ITGA8: variants seen among roughly 807,000 people sequenced by gnomAD.
ITGA8 encodes the protein integrin subunit alpha 8.
Under a neutral mutation model 142.3 loss-of-function variants are expected in ITGA8, and 91 were observed. The observed-to-expected ratio is 0.64, with a 90% CI of 0.54 to 0.76. The LOEUF (loss-of-function observed/expected upper bound fraction) is 0.76, where lower values mean the gene tolerates loss of function less well. Ranked by LOEUF, ITGA8 falls within the 30% of genes least tolerant of loss-of-function variation. The probability of loss-of-function intolerance (pLI) is 0.00; values close to 1 mark genes in which losing one functional copy is unlikely to be tolerated. For missense variants in ITGA8, 1,406 were observed against 1,327.7 expected (o/e 1.06, Z -0.92); for synonymous variants, 505 against 485.2 (o/e 1.04, Z -0.54).
intron 20 of ITGA8, among the ~76,000 whole-genome samples, chr10:15,603,394 G>A (rs1443272390): frequency 6.6e-6 from 1 of 152,128 alleles, no homozygotes; most frequent in Non-Finnish European, 1.5e-5. Flanking sequence ...AATGCTATCA[G>A]CAAGTATTTA....
chr10:15,705,828 T>G (rs570732673), intron 2 of ITGA8, among the ~76,000 whole-genome samples: 6 of 152,330 alleles, frequency 3.9e-5, no homozygotes, highest in Admixed American at 2.6e-4. Context: ...CTTCATGGCT[T>G]TCTTTTACCT....
At chr10:15,638,850 G>A (rs1274549767) in intron 13 of ITGA8, among the ~76,000 whole-genome samples, 2 of 152,110 alleles carry the variant, frequency 1.3e-5, no homozygotes, top group Non-Finnish European at 2.9e-5. Context: ...AAGGATCCTG[G>A]GCACAGTGGC....
intron 6 of ITGA8, among the ~76,000 whole-genome samples, chr10:15,675,030 C>G (rs566757798): frequency 6.6e-6 from 1 of 152,134 alleles, no homozygotes; most frequent in African/African-American, 2.4e-5. Flanking sequence ...AAATTCCTCC[C>G]TCAACTCTTA....
rs544456519 is a variant in ITGA8 at position 15,717,976 on chromosome 10, AT to A, written c.343+789del. ...CAAGGACCATTGTTCAAGCTGACAT[AT>A]TCGCATTTTTCTGGAAAGAGATATT... On this transcript the variant is annotated intron_variant, in intron 2 of 29. Transcript: ENST00000378076. Among the ~76,000 whole-genome samples the A allele has an allele frequency of 2.7e-4, 41 of 152,390 alleles. No individual in the cohort carries two copies. The South Asian group carries it at 8.5e-3, about 32-fold the overall frequency.
At chr10:15,612,443 G>A (rs1833315185) in intron 15 of ITGA8, among the ~76,000 whole-genome samples, 1 of 152,116 alleles carries the variant, frequency 6.6e-6, no homozygotes, top group South Asian at 2.1e-4. Context: ...GAAAAATAAG[G>A]GCAAAATATT....
intron 24 of ITGA8, among the ~76,000 whole-genome samples, chr10:15,573,180 G>GC (rs9333204): frequency 0.027 from 4,073 of 152,070 alleles, 199 homozygotes; most frequent in African/African-American, 0.093. Flanking sequence ...AAGAAGCTTG[G>GC]CAACCATTGA....
At chr10:15,525,858 A>C (rs372156578) in intron 28 of ITGA8, among the ~76,000 whole-genome samples, 1 of 152,236 alleles carries the variant, frequency 6.6e-6, no homozygotes, top group East Asian at 1.9e-4. Context: ...TAAAAATACT[A>C]ATAATTTACA....
chr10:15,629,713 G>A (rs1833651193), intron 13 of ITGA8, among the ~76,000 whole-genome samples: 1 of 152,064 alleles, frequency 6.6e-6, no homozygotes, highest in Admixed American at 6.5e-5. Flanking sequence ...GATCACTTGA[G>A]GTCAGGAGTT....
chr10:15,664,352 A>G (rs750509115), intron 8 of ITGA8, among the ~76,000 whole-genome samples: 1 of 152,196 alleles, frequency 6.6e-6, no homozygotes. Flanking sequence ...GTTTGTACCT[A>G]AAAGAAAAAT....
rs1474243715 is a variant in ITGA8 at position 15,548,546 on chromosome 10, A to G, written c.2789T>C (p.Leu930Ser). ...TCGTCCCACTGCACAGGAGATTTGT[A>G]AACACTCGATATTTGTACAATTCTG... Reference protein sequence around the residue: ...KILNCTNIECLQISCAVGRLE... With the variant: ...KILNCTNIECSQISCAVGRLE... The change falls in exon 27 of 30, where the codon TTA becomes TCA. Residue 930 changes from leucine to serine, a missense_variant. Physicochemically the swap from Leu to Ser is moderately radical, Grantham distance 145 (BLOSUM62 -2). Transcript: ENST00000378076. The G allele has an allele frequency of 6.2e-7, 1 of 1,610,528 alleles. No individual in the cohort carries two copies. The highest frequency in any genetic ancestry group is 2.2e-5 in the East Asian group (1 of 44,678).
intron 27 of ITGA8, among the ~76,000 whole-genome samples, chr10:15,546,393 A>ATATG (rs1833668894): frequency 6.6e-6 from 1 of 152,226 alleles, no homozygotes; most frequent in Non-Finnish European, 1.5e-5. Context: ...GAGTGAATGA[A>ATATG]TATGTAAAGG....
At chr10:15,626,506 A>C (rs1358699397) in intron 13 of ITGA8, among the ~76,000 whole-genome samples, 1 of 152,160 alleles carries the variant, frequency 6.6e-6, no homozygotes, top group African/African-American at 2.4e-5. Flanking sequence ...GACATGAGCC[A>C]CTGCACCCGG....
At chr10:15,707,880 G>T (rs1275723544) in intron 2 of ITGA8, among the ~76,000 whole-genome samples, 2 of 150,710 alleles carry the variant, frequency 1.3e-5, no homozygotes, top group Non-Finnish European at 3.0e-5. Context: ...GTTGTTTAAA[G>T]CCACTAAGCA....
intron 27 of ITGA8, among the ~76,000 whole-genome samples, chr10:15,545,373 TCCA>T (rs1293231025): frequency 6.6e-6 from 1 of 152,208 alleles, no homozygotes; most frequent in Non-Finnish European, 1.5e-5. Context: ...CCTAGATTAA[TCCA>T]CCACCATTTC....
chr10:15,605,447 C>T (rs975507000), intron 19 of ITGA8, among the ~76,000 whole-genome samples: 3 of 151,422 alleles, frequency 2.0e-5, no homozygotes, highest in Non-Finnish European at 4.4e-5. Flanking sequence ...ACCCGAGCCA[C>T]CCCATCAATG....
chr10:15,553,190 G>A (rs1477739298), intron 26 of ITGA8, among the ~76,000 whole-genome samples: 2 of 152,120 alleles, frequency 1.3e-5, no homozygotes, highest in African/African-American at 4.8e-5. Context: ...CCGGGAGGCC[G>A]AGGTTACAGT....
At chr10:15,612,010 T>G (rs1202769423) in intron 15 of ITGA8, among the ~76,000 whole-genome samples, 1 of 152,192 alleles carries the variant, frequency 6.6e-6, no homozygotes, top group Admixed American at 6.5e-5. Context: ...GTTTTAATAC[T>G]CATGAACAAG....
At chr10:15,600,596 C>T (rs555006539) in intron 20 of ITGA8, among the ~76,000 whole-genome samples, 1 of 152,126 alleles carries the variant, frequency 6.6e-6, no homozygotes, top group East Asian at 1.9e-4. Context: ...TCAAGGGTCT[C>T]ATGCATTATC....
chr10:15,596,361 T>A (rs900353980), intron 21 of ITGA8, among the ~76,000 whole-genome samples: 9 of 152,190 alleles, frequency 5.9e-5, no homozygotes, highest in African/African-American at 2.2e-4. Flanking sequence ...AGCTTCAGTT[T>A]CCTCATCCAT....
Sources: gnomAD v4.1 joint callset for allele counts (sites outside exome capture counted in the v4.1 genomes callset) on GRCh38, gnomAD v4.1.1 for gene constraint, MANE v1.5 for transcripts, NCBI Gene and HGNC (gene_info 2026-07-23, HGNC 2026-07-21) for gene names.